Variants in ZNF708 observed in about 807,000 individuals in gnomAD.
ZNF708 encodes zinc finger protein 708.
A neutral mutation model predicts 47.0 loss-of-function variants in ZNF708; 44 were observed. The observed-to-expected ratio is 0.94, with a 90% CI of 0.74 to 1.20. The LOEUF (loss-of-function observed/expected upper bound fraction) is 1.20. ZNF708 is among the 50% of genes most tolerant of loss of function. ZNF708 has a pLI of 0.00. For synonymous variants in ZNF708, 184 were observed against 218.5 expected (o/e 0.84, Z 1.39); for missense variants, 557 against 656.0 (o/e 0.85, Z 1.65).
chr19:21,321,787 A>T (rs1198318222), intron 1 of ZNF708, among the ~76,000 whole-genome samples: 1 of 152,232 alleles, frequency 6.6e-6, no homozygotes, highest in Non-Finnish European at 1.5e-5. Flanking sequence ...TGCTATGCTT[A>T]GTACTTCAGT....
intron 3 of ZNF708, among the ~76,000 whole-genome samples, chr19:21,295,591 C>T (rs1395535448): frequency 6.6e-6 from 1 of 151,996 alleles, no homozygotes; most frequent in African/African-American, 2.4e-5. Context: ...ACTAAAAATA[C>T]AAAATTAGCT....
At chr19:21,301,833 T>C (rs1972666219) in intron 3 of ZNF708, among the ~76,000 whole-genome samples, 1 of 108,696 alleles carries the variant, frequency 9.2e-6, no homozygotes, top group Non-Finnish European at 1.9e-5. Context: ...TTTCCAAATG[T>C]TGATGTGATA....
intron 1 of ZNF708, among the ~76,000 whole-genome samples, chr19:21,326,760 G>A (rs1028847133): frequency 4.6e-5 from 7 of 151,502 alleles, no homozygotes; most frequent in East Asian, 1.9e-4. Flanking sequence ...GAGAAACCCC[G>A]TTCTCTACAA....
intron 3 of ZNF708, among the ~76,000 whole-genome samples, chr19:21,295,564 G>T (rs1972511525): frequency 6.6e-6 from 1 of 152,106 alleles, no homozygotes. Context: ...TGACCAACAT[G>T]GAGAAACCCC....
chr19:21,300,650 TTTA>T (rs1205388739), intron 3 of ZNF708, among the ~76,000 whole-genome samples: 4 of 151,800 alleles, frequency 2.6e-5, no homozygotes, highest in Admixed American at 2.0e-4. Flanking sequence ...TCATATACAA[TTTA>T]TTATTATTAT....
chr19:21,327,300 C>A (rs1241185072), intron 1 of ZNF708, among the ~76,000 whole-genome samples: 1 of 152,012 alleles, frequency 6.6e-6, no homozygotes, highest in Non-Finnish European at 1.5e-5. Flanking sequence ...GAGGCCGAGG[C>A]GGGCGGATCA....
chr19:21,311,975 G>C (rs1972907163), intron 1 of ZNF708, among the ~76,000 whole-genome samples: 1 of 152,094 alleles, frequency 6.6e-6, no homozygotes, highest in African/African-American at 2.4e-5. Context: ...CTAGCCTCAT[G>C]TTAAAATCAC....
At chr19:21,326,956 T>C (rs1973267924) in intron 1 of ZNF708, among the ~76,000 whole-genome samples, 1 of 151,414 alleles carries the variant, frequency 6.6e-6, no homozygotes, top group South Asian at 2.1e-4. Flanking sequence ...TAAATACATA[T>C]ATATTTGATT....
At chr19:21,329,158 C>T in intron 1 of ZNF708, 52 bp downstream of exon 1, 1 of 1,610,086 alleles carries the variant, frequency 6.2e-7, no homozygotes, top group East Asian at 2.2e-5. Flanking sequence ...CCACTTCCCA[C>T]AGGTTTCAAC....
intron 1 of ZNF708, chr19:21,318,500 A>C (rs1326953443): frequency 6.6e-6 from 1 of 152,214 alleles, no homozygotes; most frequent in Non-Finnish European, 1.5e-5. Context: ...ATGATTGATC[A>C]AGTCAGTCAG....
At position 21,294,221 on chromosome 19, in the gene ZNF708, C is replaced by G; in HGVS notation, c.745G>C (p.Glu249Gln). 1.2e-6 allele frequency: 2 copies of G among 1,612,082 alleles called. No individual in the cohort carries two copies. Among genetic ancestry groups the G allele is most frequent in the Non-Finnish European group, 1.7e-6 (2 of 1,179,738 alleles). Residue 249 changes from glutamate (E) to glutamine (Q), a missense_variant, in exon 4 of 4, where the codon GAG (glutamate) becomes CAG (glutamine). Glu to Gln is a conservative substitution (Grantham distance 29). Coordinates refer to ENST00000356929, the MANE Select transcript of ZNF708 (RefSeq NM_021269.3). Reference sequence around the variant, plus strand: ...CATTCTTCACATTTGTAGAGTTTCTCTCCAGTATGAATTATCTTATGTCTA... The same window carrying G: ...CATTCTTCACATTTGTAGAGTTTCTGTCCAGTATGAATTATCTTATGTCTA... ...LTRHKIIHTGEKLYKCEECGK... is the reference protein window; with the variant it reads ...LTRHKIIHTGQKLYKCEECGK...
intron 3 of ZNF708, among the ~76,000 whole-genome samples, chr19:21,295,384 C>T (rs187458797): frequency 1.3e-5 from 2 of 152,126 alleles, no homozygotes; most frequent in South Asian, 2.1e-4. Flanking sequence ...AAAATGTTTG[C>T]GAGACTCCCA....
chr19:21,325,838 A>G (rs750914597), intron 1 of ZNF708, among the ~76,000 whole-genome samples: 5 of 152,222 alleles, frequency 3.3e-5, no homozygotes, highest in African/African-American at 4.8e-5. Context: ...ACTAATATCT[A>G]GAGTCTACAA....
chr19:21,324,024 G>A (rs1973205985), intron 1 of ZNF708, among the ~76,000 whole-genome samples: 1 of 151,680 alleles, frequency 6.6e-6, no homozygotes, highest in Non-Finnish European at 1.5e-5. Flanking sequence ...TGGATCACAA[G>A]GTCAGGAGAT....
chr19:21,329,410 T>A lies in ZNF708; in HGVS notation c.-198A>T. 1.4e-6 allele frequency: 1 copy of A among 721,406 alleles called. No individual in the cohort carries two copies. Among genetic ancestry groups the A allele is most frequent in the Non-Finnish European group, 2.3e-6 (1 of 440,492 alleles). The allele number at this position is 721,406 out of a possible 1,614,324, so 44.7% of individuals were successfully genotyped here. Reference sequence around the variant, plus strand: ...TGTCCGGTCCAGCTGCGTGTCTGAGTGAACTGTCCCCAGCTCAGAGTCCCT... The same window carrying A: ...TGTCCGGTCCAGCTGCGTGTCTGAGAGAACTGTCCCCAGCTCAGAGTCCCT... On this transcript the variant is annotated 5_prime_UTR_variant, in exon 1 of 4. Transcript: ENST00000356929.
At position 21,293,752 on chromosome 19, in the gene ZNF708, G is replaced by C. The variant is rs759052560; in HGVS notation, c.1214C>G (p.Ser405Ter). Residue 405 changes from serine to a stop codon, truncating the protein, a stop_gained, in exon 4 of 4, where the codon TCA (serine) becomes TGA (stop). Transcript: ENST00000356929. LOFTEE classifies it high-confidence loss of function. Reference protein sequence around the residue: ...EECGKAFTKSSTLTYHKVIHT... With the variant: ...EECGKAFTKS ...AATTACCTTATGATAAGTAAGAGTTGAGGACTTGGTAAAGGCTTTACCACA... is the reference window on the plus strand; with the variant it reads ...AATTACCTTATGATAAGTAAGAGTTCAGGACTTGGTAAAGGCTTTACCACA... 6.2e-6 allele frequency: 10 copies of C among 1,613,400 alleles called. No homozygotes were observed. The South Asian group carries it at 1.1e-4, about 18-fold the overall frequency.
In ZNF708 at chr19:21,328,983, G is replaced by A. The variant is rs146475311; in HGVS notation, c.3+227C>T. On this transcript the variant is annotated intron_variant, in intron 1 of 3. Transcript: ENST00000356929. ...CAGAGCCGCCCAGAGAGGGCTGCAG[G>A]CCAGGGCACAGTCACTGCGCAGGGA... Among the ~76,000 whole-genome samples the A allele has an allele frequency of 5.6e-3, 847 of 152,304 alleles. 3 individuals are homozygous for A. Among genetic ancestry groups the A allele is most frequent in the Middle Eastern group, 0.027 (8 of 294 alleles).
chr19:21,294,340 G>A lies in ZNF708; in HGVS notation c.626C>T (p.Ser209Leu). The A allele has an allele frequency of 6.2e-7, 1 of 1,613,486 alleles. No individual in the cohort carries two copies. Among genetic ancestry groups the A allele is most frequent in the Middle Eastern group, 1.6e-4 (1 of 6,062 alleles). ...AATTATCTTATGATTCGTAAGGTTT[G>A]AGGACTTTTTAAAAGCTTTGCCACA... ...EECGKAFKKS[S>L]NLTNHKIIHT... is the part of the protein sequence containing the mutation. Residue 209 changes from serine (S) to leucine (L), a missense_variant, in exon 4 of 4, where the codon TCA becomes TTA. Physicochemically the swap from Ser to Leu is moderately radical, Grantham distance 145 (BLOSUM62 -2). Transcript: ENST00000356929.
At chr19:21,326,067 A>C (rs1330241650) in intron 1 of ZNF708, among the ~76,000 whole-genome samples, 2 of 152,204 alleles carry the variant, frequency 1.3e-5, no homozygotes, top group Non-Finnish European at 2.9e-5. Context: ...GAAACAGTAG[A>C]TGTTGGCATG....
Sources: gnomAD v4.1 joint callset for allele counts (sites outside exome capture counted in the v4.1 genomes callset) on GRCh38, gnomAD v4.1.1 for gene constraint, MANE v1.5 for transcripts, NCBI Gene and HGNC (gene_info 2026-07-23, HGNC 2026-07-21) for gene names.